The following RASAL2 variants were observed in gnomAD, a reference collection of about 807,000 sequenced individuals.
RASAL2 encodes RAS protein activator like 2.
Under a neutral mutation model 128.9 loss-of-function variants are expected in RASAL2, and 58 were observed. The ratio of observed to expected loss-of-function variants is 0.45; its 90% CI spans 0.36 to 0.56. The LOEUF is 0.56. Among genes scored for constraint, RASAL2 ranks in the 20% least tolerant of loss-of-function variants. RASAL2 has a pLI of 0.00. For synonymous variants in RASAL2, 561 were observed against 580.8 expected, an observed-to-expected ratio of 0.97 and a Z score of 0.49; for missense variants, 1,360 against 1,601.6, an observed-to-expected ratio of 0.85 and a Z score of 2.57.
chr1:178,374,028 G>A (rs534674052), intron 3 of RASAL2, among the ~76,000 whole-genome samples: 1 of 152,234 alleles, frequency 6.6e-6, no homozygotes, highest in South Asian at 2.1e-4. Flanking sequence ...TAGTTGCTGA[G>A]TGAATAGACA....
At chr1:178,219,353 C>G (rs1453242661) in intron 1 of RASAL2, among the ~76,000 whole-genome samples, 1 of 152,056 alleles carries the variant, frequency 6.6e-6, no homozygotes, top group East Asian at 1.9e-4. Context: ...TAATTTCCTT[C>G]AAGAACTTTT....
chr1:178,209,383 C>T (rs972025574), intron 1 of RASAL2, among the ~76,000 whole-genome samples: 8 of 152,140 alleles, frequency 5.3e-5, no homozygotes, highest in African/African-American at 1.9e-4. Flanking sequence ...AGAAATAGTG[C>T]ATTGGGATCA....
chr1:178,104,869 C>T (rs1055608116), intron 1 of RASAL2, among the ~76,000 whole-genome samples: 2 of 152,146 alleles, frequency 1.3e-5, no homozygotes, highest in South Asian at 4.1e-4. Flanking sequence ...AGCAATTGGT[C>T]TGCTAAAGGT....
chr1:178,358,237 T>TAAAAAAAAAAAAAA (rs71567191), intron 3 of RASAL2, among the ~76,000 whole-genome samples: 2 of 34,770 alleles, frequency 5.8e-5, no homozygotes, highest in African/African-American at 1.3e-4. Context: ...CTCTGTCTCC[T>TAAAAAAAAAAAAAA]AAAAAAAAAA....
At chr1:178,143,943 G>A (rs894593248) in intron 1 of RASAL2, among the ~76,000 whole-genome samples, 1 of 152,090 alleles carries the variant, frequency 6.6e-6, no homozygotes, top group Non-Finnish European at 1.5e-5. Flanking sequence ...TATGTCATAA[G>A]TGTTATATCA....
chr1:178,208,476 A>G (rs996194416), intron 1 of RASAL2, among the ~76,000 whole-genome samples: 1 of 152,102 alleles, frequency 6.6e-6, no homozygotes, highest in Non-Finnish European at 1.5e-5. Context: ...TAGGGTGGGA[A>G]AAAAACTCCG....
intron 12 of RASAL2, among the ~76,000 whole-genome samples, chr1:178,454,900 T>C (rs539843941): frequency 3.2e-4 from 48 of 152,274 alleles, no homozygotes; most frequent in Non-Finnish European, 6.3e-4. Flanking sequence ...TAAATTTATA[T>C]ATACAGAGTG....
chr1:178,464,132 G>C, intron 14 of RASAL2, 146 bp from the exon 15 acceptor site: 1 of 921,314 alleles, frequency 1.1e-6, no homozygotes, highest in South Asian at 3.1e-5. Context: ...CCCTAGCCTT[G>C]GCATTAGTAA....
intron 1 of RASAL2, among the ~76,000 whole-genome samples, chr1:178,147,880 G>A (rs1452234001): frequency 6.6e-6 from 1 of 152,080 alleles, no homozygotes; most frequent in African/African-American, 2.4e-5. Flanking sequence ...GACCAGGCTG[G>A]CCAACATGGT....
rs528128533 is a variant in RASAL2, at chr1:178,392,484, G to C, written c.564+2278G>C. Among the ~76,000 whole-genome samples the C allele has an allele frequency of 6.6e-5, 10 of 152,294 alleles. No homozygotes were observed. In the South Asian group the frequency reaches 8.3e-4, roughly 13 times the overall value. On this transcript the variant is annotated intron_variant, in intron 4 of 17. Coordinates refer to ENST00000367649, the MANE Select transcript of RASAL2 (RefSeq NM_170692.4). ...TAGGTGGGGGCAAGACTGTGATTGA[G>C]TTTGTTCATCAAACTTAACTAAATT...
intron 1 of RASAL2, among the ~76,000 whole-genome samples, chr1:178,264,228 C>A (rs944709364): frequency 1.1e-4 from 16 of 152,166 alleles, no homozygotes; most frequent in African/African-American, 4.8e-5. Context: ...CTATCTCTAC[C>A]CGTTGCCTCA....
intron 1 of RASAL2, among the ~76,000 whole-genome samples, chr1:178,208,115 C>T (rs189703549): frequency 2.0e-5 from 3 of 152,128 alleles, no homozygotes; most frequent in Non-Finnish European, 2.9e-5. Flanking sequence ...CTGTACAAAT[C>T]GATTGTAAAA....
chr1:178,425,528 A>G (rs1161520910), intron 5 of RASAL2, among the ~76,000 whole-genome samples: 1 of 152,204 alleles, frequency 6.6e-6, no homozygotes, highest in Non-Finnish European at 1.5e-5. Context: ...GATTCAGTTT[A>G]GTTGCCAATT....
intron 1 of RASAL2, among the ~76,000 whole-genome samples, chr1:178,203,218 G>A (rs1458187190): frequency 6.6e-6 from 1 of 152,184 alleles, no homozygotes; most frequent in Non-Finnish European, 1.5e-5. Context: ...ATTCCACACA[G>A]CATTGCCTCT....
intron 3 of RASAL2, among the ~76,000 whole-genome samples, chr1:178,329,847 T>TA (rs532950956): frequency 1.6e-4 from 23 of 146,672 alleles, no homozygotes; most frequent in East Asian, 5.9e-4. Context: ...TCCTGTCTCT[T>TA]AAAAAAAAAA....
intron 3 of RASAL2, among the ~76,000 whole-genome samples, chr1:178,332,081 T>C (rs1408276052): frequency 6.6e-6 from 1 of 152,188 alleles, no homozygotes; most frequent in African/African-American, 2.4e-5. Flanking sequence ...CATAAAAATT[T>C]TAGTAAATTT....
At chr1:178,288,731 A>G (rs1262996358) in intron 2 of RASAL2, among the ~76,000 whole-genome samples, 2 of 140,622 alleles carry the variant, frequency 1.4e-5, no homozygotes, top group African/African-American at 5.6e-5. Context: ...GCTCACTGCA[A>G]TCTCCGCCTC....
At chr1:178,113,087 A>C (rs920463961) in intron 1 of RASAL2, among the ~76,000 whole-genome samples, 2 of 152,166 alleles carry the variant, frequency 1.3e-5, no homozygotes, top group Non-Finnish European at 2.9e-5. Context: ...TGGATATCAA[A>C]TAGCACCATT....
intron 2 of RASAL2, among the ~76,000 whole-genome samples, chr1:178,293,770 A>T (rs1334730694): frequency 6.6e-6 from 1 of 152,250 alleles, no homozygotes; most frequent in African/African-American, 2.4e-5. Context: ...ACGTGGAATT[A>T]GTTGCATAAA....
Sources: gnomAD v4.1 joint callset for allele counts (sites outside exome capture counted in the v4.1 genomes callset) on GRCh38, gnomAD v4.1.1 for gene constraint, MANE v1.5 for transcripts, NCBI Gene and HGNC (gene_info 2026-07-23, HGNC 2026-07-21) for gene names.